The following EDEM2 variants were observed in gnomAD, a reference collection of about 807,000 sequenced individuals.
EDEM2 encodes ER degradation-enhancing alpha-mannosidase-like protein 2.
EDEM2 carries 39 observed loss-of-function variants against 64.8 expected under a neutral mutation model. The ratio of observed to expected loss-of-function variants is 0.60; its 90% confidence interval spans 0.47 to 0.79. EDEM2 has a LOEUF of 0.79. Among genes scored for constraint, EDEM2 ranks in the 30% least tolerant of loss-of-function variants. EDEM2 has a pLI of 0.00. For missense variants in EDEM2, 609 were observed against 731.3 expected, an observed-to-expected ratio of 0.83 and a Z score of 1.93; for synonymous variants, 296 against 291.5, an observed-to-expected ratio of 1.02 and a Z score of -0.16.
intron 9 of EDEM2, among the ~76,000 whole-genome samples, chr20:35,121,373 C>T (rs1003870181): frequency 3.3e-5 from 5 of 152,148 alleles, no homozygotes; most frequent in Admixed American, 6.5e-5. Context: ...CTCCTATGAA[C>T]GTCTAATGCC....
rs542711812 is a variant in EDEM2 at position 35,135,035 on chromosome 20, C to T, written c.491-86G>A. 1.9e-5 allele frequency: 24 copies of T among 1,287,438 alleles called. No individual in the cohort carries two copies. In the East Asian group the frequency reaches 4.7e-4, roughly 25 times the overall value. The allele number at this position is 1,287,438 out of a possible 1,614,324, so 79.8% of individuals were successfully genotyped here. Reference sequence around the variant, plus strand: ...CACGCCCAAAGCCTGGGACCTTAGCCAGCACTTCCCTCTTTCTCCTGGGTA... The same window carrying T: ...CACGCCCAAAGCCTGGGACCTTAGCTAGCACTTCCCTCTTTCTCCTGGGTA... On this transcript the variant is annotated intron_variant, in intron 5 of 10. Transcript: ENST00000374492.
At position 35,141,610 on chromosome 20, in the gene EDEM2, AC is replaced by A. The variant is rs575079914; in HGVS notation, c.364+762del. 1.2e-3 allele frequency among the ~76,000 whole-genome samples: 185 copies of A among 152,292 alleles called. 1 individual carries two copies. The highest frequency in any genetic ancestry group is 4.2e-3 in the African/African-American group (176 of 41,554). On this transcript the variant is annotated intron_variant, in intron 4 of 10. Coordinates refer to ENST00000374492, the MANE Select transcript of EDEM2 (RefSeq NM_018217.3). ...ATACAAAATAATGGGGAAAAATAGAACTCTGCCATCCAGAGGTGACAGCTGT... is the reference window on the plus strand; with the variant it reads ...ATACAAAATAATGGGGAAAAATAGAATCTGCCATCCAGAGGTGACAGCTGT...
At chr20:35,142,254 A>C in intron 4 of EDEM2, 119 bp downstream of exon 4, 2 of 735,958 alleles carry the variant, frequency 2.7e-6, no homozygotes. Context: ...TGTCGGTCAG[A>C]GGTTTTGGCC....
At chr20:35,142,235 G>A (rs193076596) in intron 4 of EDEM2, 138 bp downstream of exon 4, 27 of 674,012 alleles carry the variant, frequency 4.0e-5, no homozygotes, top group Admixed American at 2.6e-4. Context: ...CAGGAGGGAA[G>A]AAGAGCTCTG....
At chr20:35,142,268 G>A (rs2146114679) in intron 4 of EDEM2, 105 bp downstream of exon 4, 2 of 888,604 alleles carry the variant, frequency 2.3e-6, no homozygotes, top group East Asian at 2.6e-5. Flanking sequence ...TTTGGCCAAG[G>A]GTCCTGGCAT....
At chr20:35,144,444 C>G (rs959861255) in intron 3 of EDEM2, among the ~76,000 whole-genome samples, 4 of 152,214 alleles carry the variant, frequency 2.6e-5, no homozygotes, top group Non-Finnish European at 5.9e-5. Context: ...GGCAATTCTC[C>G]TGCCTCAGCC....
At chr20:35,129,039 T>C (rs1428901449) in intron 7 of EDEM2, among the ~76,000 whole-genome samples, 1 of 151,188 alleles carries the variant, frequency 6.6e-6, no homozygotes, top group Non-Finnish European at 1.5e-5. Context: ...CCAAGGTGGG[T>C]GGAGATCACC....
chr20:35,138,124 C>G, intron 4 of EDEM2, 119 bp from the exon 5 acceptor site: 1 of 1,332,570 alleles, frequency 7.5e-7, no homozygotes, highest in Non-Finnish European at 1.0e-6. Flanking sequence ...GTTCTCAGGA[C>G]CTCCTGAAGC....
At chr20:35,128,015 G>A (rs751132531) in intron 7 of EDEM2, among the ~76,000 whole-genome samples, 1 of 152,148 alleles carries the variant, frequency 6.6e-6, no homozygotes, top group African/African-American at 2.4e-5. Context: ...TGTATAGTAC[G>A]TGATATTTAA....
Position 35,126,345 on chromosome 20 carries a change from CG to C in EDEM2, c.874del (p.Arg292AlafsTer42). 6.2e-7 allele frequency: 1 copy of C among 1,613,974 alleles called. No individual in the cohort carries two copies. The highest frequency in any genetic ancestry group is 8.5e-7 in the Non-Finnish European group (1 of 1,180,012). ...EYNKAIRNYT[R>X]FDDWYLWVQM... ...AACCCACAGGTACCAGTCATCGAAG[CG>C]GGTGTAGTTCCGGATGGCTTTGTTA... is the stretch of plus-strand genomic sequence containing the variant. On this transcript the variant is annotated frameshift_variant, in exon 8 of 11. Transcript: ENST00000374492. LOFTEE classifies it high-confidence loss of function.
At chr20:35,124,494 G>A (rs1453346551) in intron 8 of EDEM2, among the ~76,000 whole-genome samples, 1 of 152,062 alleles carries the variant, frequency 6.6e-6, no homozygotes, top group African/African-American at 2.4e-5. Flanking sequence ...TTGACCTCCT[G>A]GGCTCAAGAG....
At chr20:35,137,017 C>T (rs114659020) in intron 5 of EDEM2, among the ~76,000 whole-genome samples, 4 of 152,124 alleles carry the variant, frequency 2.6e-5, no homozygotes, top group Non-Finnish European at 5.9e-5. Flanking sequence ...AAGTGTTGGA[C>T]GTTCTCTAAG....
At position 35,126,382 on chromosome 20, in the gene EDEM2, T is replaced by TG. The variant is rs2085432709; in HGVS notation, c.845-8dup. 1 of 1,613,004 alleles carries TG rather than the reference T, an allele frequency of 6.2e-7. No homozygotes were observed. Among genetic ancestry groups the TG allele is most frequent in the African/African-American group, 1.3e-5 (1 of 74,740 alleles). On this transcript the variant is annotated splice_region_variant and splice_polypyrimidine_tract_variant and intron_variant, in intron 7 of 10. Coordinates refer to ENST00000374492, the MANE Select transcript of EDEM2 (RefSeq NM_018217.3). ...CGGATGGCTTTGTTATACTCTGCAG[T>TG]GGGGGAGATGGGATAATGGACATAT... is the stretch of plus-strand genomic sequence containing the variant.
intron 9 of EDEM2, among the ~76,000 whole-genome samples, chr20:35,120,145 C>G (rs1486220104): frequency 6.6e-6 from 1 of 152,210 alleles, no homozygotes; most frequent in African/African-American, 2.4e-5. Context: ...CTCACTGCAA[C>G]TCTGCCTCCT....
chr20:35,122,654 G>A (rs1422077205), intron 9 of EDEM2, among the ~76,000 whole-genome samples: 3 of 152,340 alleles, frequency 2.0e-5, no homozygotes, highest in Non-Finnish European at 2.9e-5. Context: ...GATTACAGGC[G>A]TGAGCCACCA....
At chr20:35,134,007 G>A in intron 6 of EDEM2, 1 of 437,148 alleles carries the variant, frequency 2.3e-6, no homozygotes, top group South Asian at 1.6e-5. Context: ...GCCAGGGCTT[G>A]AATCCAGTTC....
intron 6 of EDEM2, among the ~76,000 whole-genome samples, chr20:35,132,766 G>A (rs551371488): frequency 3.3e-5 from 5 of 152,204 alleles, no homozygotes; most frequent in African/African-American, 9.6e-5. Flanking sequence ...TCGAACTCCC[G>A]ACCTCAGGTG....
rs1448362196 is a variant in EDEM2 at position 35,134,861 on chromosome 20, T to C, written c.579A>G (p.Ala193=). The change falls in exon 6 of 11, where the codon GCA becomes GCG. Residue 193 remains alanine (A), a synonymous_variant. Coordinates refer to ENST00000374492, the MANE Select transcript of EDEM2 (RefSeq NM_018217.3). ...NPGETPVTCT[A]GIGTFIVEFA... ...ATTCAACAATGAAGGTCCCAATCCC[T>C]GCCGTACAGGTGACAGGGGTCTCTC... 1.9e-6 allele frequency: 3 copies of C among 1,614,170 alleles called. No homozygotes were observed. Among genetic ancestry groups the C allele is most frequent in the Non-Finnish European group, 2.5e-6 (3 of 1,180,030 alleles).
chr20:35,123,556 C>A (rs893368059), intron 9 of EDEM2, among the ~76,000 whole-genome samples: 3 of 152,128 alleles, frequency 2.0e-5, no homozygotes, highest in African/African-American at 7.2e-5. Flanking sequence ...CACACCATTG[C>A]ACTTCAGTCT....
Sources: allele counts gnomAD v4.1 joint callset (sites outside exome capture counted in the v4.1 genomes callset), GRCh38; gene constraint gnomAD v4.1.1; transcripts MANE v1.5; gene names NCBI Gene and HGNC (gene_info 2026-07-23, HGNC 2026-07-21).